C11orf52: variants seen among roughly 807,000 people sequenced by gnomAD.
C11orf52 encodes the protein chromosome 11 open reading frame 52.
A neutral mutation model predicts 11.7 loss-of-function variants in C11orf52; 9 were observed. The ratio of observed to expected loss-of-function variants is 0.77; its 90% CI spans 0.46 to 1.34. The LOEUF (loss-of-function observed/expected upper bound fraction) is 1.34. Among genes scored for constraint, C11orf52 ranks in the 40% most tolerant of loss-of-function variants. The pLI is 0.00. For missense variants in C11orf52, 139 were observed against 154.8 expected (o/e 0.90, Z 0.54); for synonymous variants, 49 against 57.4 (o/e 0.85, Z 0.66).
In C11orf52 at chr11:111,920,788, G is replaced by T. The variant is rs1965684246; in HGVS notation, c.32+1784G>T. ...CAAAAATGAAAATAAAAATAAAAGG[G>T]CAGAAGTAGGAAAAAGAAGAATATC... On this transcript the variant is annotated intron_variant, in intron 1 of 3. Transcript: ENST00000278601. Among the ~76,000 whole-genome samples the T allele has an allele frequency of 2.0e-5, 3 of 151,960 alleles. 1 individual carries two copies. The highest frequency in any genetic ancestry group is 1.3e-4 in the Admixed American group (2 of 15,250).
chr11:111,921,546 T>C (rs964278776), intron 1 of C11orf52, among the ~76,000 whole-genome samples: 1 of 152,316 alleles, frequency 6.6e-6, no homozygotes, highest in African/African-American at 2.4e-5. Flanking sequence ...AATGTCAGGA[T>C]TGAAAAAATA....
In C11orf52 at chr11:111,926,245, G is replaced by C. The variant is rs11214045; in HGVS notation, c.*46G>C. Reference sequence around the variant, plus strand: ...GTCCATCGTTAACCACTACACCTGTGGGGGAGAACCTACTGCTTTGGGGAA... The same window carrying C: ...GTCCATCGTTAACCACTACACCTGTCGGGGAGAACCTACTGCTTTGGGGAA... On this transcript the variant is annotated 3_prime_UTR_variant, in exon 4 of 4. Coordinates refer to ENST00000278601, the MANE Select transcript of C11orf52 (RefSeq NM_080659.3). 6 of 1,602,390 alleles carry C rather than the reference G, an allele frequency of 3.7e-6. No homozygotes were observed. Among genetic ancestry groups the C allele is most frequent in the East Asian group, 2.2e-5 (1 of 44,638 alleles).
At chr11:111,925,882 A>C (rs1288110515) in intron 3 of C11orf52, 78 bp from the exon 4 acceptor site, 7 of 1,599,446 alleles carry the variant, frequency 4.4e-6, no homozygotes, top group Non-Finnish European at 6.0e-6. Flanking sequence ...AAGGGACATC[A>C]GTTGACCTGC....
chr11:111,924,686 A>G (rs587634159), intron 2 of C11orf52, among the ~76,000 whole-genome samples: 1 of 152,246 alleles, frequency 6.6e-6, no homozygotes, highest in African/African-American at 2.4e-5. Flanking sequence ...ACATGATCTC[A>G]GCCCTGGAAG....
chr11:111,921,662 C>T (rs1367149681), intron 1 of C11orf52, among the ~76,000 whole-genome samples: 2 of 152,058 alleles, frequency 1.3e-5, no homozygotes, highest in Non-Finnish European at 2.9e-5. Flanking sequence ...CTCTTTCTTC[C>T]CAAGTGTTGG....
chr11:111,924,400 C>T, intron 2 of C11orf52, 37 bp downstream of exon 2: 1 of 1,564,976 alleles, frequency 6.4e-7, no homozygotes, highest in South Asian at 1.1e-5. Context: ...CTGGGGGAGG[C>T]AAATTAGAGA....
chr11:111,924,120 C>T, intron 1 of C11orf52: 1 of 515,060 alleles, frequency 1.9e-6, no homozygotes, highest in Non-Finnish European at 3.5e-6. Flanking sequence ...AGTTGTACTA[C>T]TCCACCTTCC....
intron 1 of C11orf52, among the ~76,000 whole-genome samples, chr11:111,920,159 C>T (rs1555166400): frequency 6.6e-6 from 1 of 151,974 alleles, no homozygotes; most frequent in East Asian, 1.9e-4. Context: ...TGCACCACTG[C>T]ACTCCACCCT....
rs782230423 is a variant in C11orf52 at position 111,918,934 on chromosome 11, T to C, written c.-39T>C. ...ACCCGGAAATGCACAAGCCTCTTGA[T>C]GCATAAAAACAGCTGGGCTCCCTTG... is the stretch of plus-strand genomic sequence containing the variant. On this transcript the variant is annotated 5_prime_UTR_variant, in exon 1 of 4. It removes an upstream start codon present in the reference 5' UTR. Transcript: ENST00000278601. 2.5e-6 allele frequency: 4 copies of C among 1,613,746 alleles called. No individual in the cohort carries two copies. In the South Asian group the frequency reaches 3.3e-5, roughly 13 times the overall value.
chr11:111,920,215 T>C (rs1555166416), intron 1 of C11orf52, among the ~76,000 whole-genome samples: 2 of 150,668 alleles, frequency 1.3e-5, no homozygotes, highest in Non-Finnish European at 3.0e-5. Flanking sequence ...TAAAATAAAA[T>C]AGAATAAAAT....
intron 2 of C11orf52, among the ~76,000 whole-genome samples, chr11:111,924,880 TG>T (rs1555166796): frequency 6.6e-6 from 1 of 152,196 alleles, no homozygotes; most frequent in Non-Finnish European, 1.5e-5. Context: ...CCCAGCACTT[TG>T]GGAGGCCAAG....
Position 111,926,125 on chromosome 11 carries a change from G to A in C11orf52, c.298G>A (p.Ala100Thr), listed in dbSNP as rs781864087. The A allele has an allele frequency of 5.6e-6, 9 of 1,614,222 alleles. No individual in the cohort carries two copies. The Admixed American group carries it at 1.0e-4, about 18-fold the overall frequency. ...REVKHVHLEN[A>T]TEYATLRFPQ... ...AGTGAAACACGTGCATTTAGAAAAC[G>A]CTACAGAGTATGCGACCCTTCGCTT... The change falls in exon 4 of 4, where the codon GCT becomes ACT. Residue 100 changes from alanine (A) to threonine (T), a missense_variant. Physicochemically the swap from Ala to Thr is moderately conservative, Grantham distance 58 (BLOSUM62 0). Transcript: ENST00000278601.
rs782124843 is a variant in C11orf52 at position 111,925,824 on chromosome 11, GCTCTGTCTGTCCTC to G, written c.133-122_133-109del. On this transcript the variant is annotated intron_variant, in intron 3 of 3. Coordinates refer to ENST00000278601, the MANE Select transcript of C11orf52 (RefSeq NM_080659.3). ...TTTCAGTCACCTGTAGAATTTGCTG[GCTCTGTCTGTCCTC>G]CTCTGTCTGTCCTTTGCTCAAAGGA... is the stretch of plus-strand genomic sequence containing the variant. The G allele has an allele frequency of 1.4e-4, 226 of 1,563,688 alleles. 1 individual carries two copies. The highest frequency in any genetic ancestry group is 3.4e-4 in the Middle Eastern group (2 of 5,966).
Position 111,926,360 on chromosome 11 carries a change from G to A in C11orf52, c.*161G>A. On this transcript the variant is annotated 3_prime_UTR_variant, in exon 4 of 4. Coordinates refer to ENST00000278601, the MANE Select transcript of C11orf52 (RefSeq NM_080659.3). ...TGTGGGCGTCCCATTTTCTCCCCTGGCCTCTTACTTGCCACTGTTAGGTTG... is the reference window on the plus strand; with the variant it reads ...TGTGGGCGTCCCATTTTCTCCCCTGACCTCTTACTTGCCACTGTTAGGTTG... 9.2e-7 allele frequency: 1 copy of A among 1,087,404 alleles called. No individual in the cohort carries two copies. Among genetic ancestry groups the A allele is most frequent in the Non-Finnish European group, 1.3e-6 (1 of 771,986 alleles). The allele number at this position is 1,087,404 out of a possible 1,614,324, so 67.4% of individuals were successfully genotyped here.
At chr11:111,924,393 G>C in intron 2 of C11orf52, 30 bp downstream of exon 2, 1 of 1,594,010 alleles carries the variant, frequency 6.3e-7, no homozygotes, top group South Asian at 1.1e-5. Context: ...AGGGAATCTG[G>C]GGGAGGCAAA....
chr11:111,925,856 T>C lies in C11orf52; in HGVS notation c.133-104T>C, dbSNP rs1965793505. The C allele has an allele frequency of 1.0e-5, 16 of 1,580,030 alleles. No individual in the cohort carries two copies. The South Asian group carries it at 1.8e-4, about 18-fold the overall frequency. On this transcript the variant is annotated intron_variant, in intron 3 of 3. Coordinates refer to ENST00000278601, the MANE Select transcript of C11orf52 (RefSeq NM_080659.3). ...CTGTCCTCCTCTGTCTGTCCTTTGCTCAAAGGAGCAAAGCGAAGGGACATC... is the reference window on the plus strand; with the variant it reads ...CTGTCCTCCTCTGTCTGTCCTTTGCCCAAAGGAGCAAAGCGAAGGGACATC...
chr11:111,923,807 G>T (rs1465812102), intron 1 of C11orf52: 1 of 152,252 alleles, frequency 6.6e-6, no homozygotes, highest in Admixed American at 6.5e-5. Flanking sequence ...AAGGAAGCAG[G>T]GAGGGAGGTC....
intron 1 of C11orf52, among the ~76,000 whole-genome samples, chr11:111,921,837 C>CT (rs1555166590): frequency 2.9e-4 from 39 of 135,452 alleles, no homozygotes; most frequent in African/African-American, 7.4e-4. Context: ...TTATCATACT[C>CT]ATTTTTTTTT....
rs943012188 is a variant in C11orf52, at chr11:111,926,184, C to T, written c.357C>T (p.Asn119=). The change falls in exon 4 of 4, where the codon AAC becomes AAT. Residue 119 remains asparagine (N), a synonymous_variant. Transcript: ENST00000278601. ...PQATPRYDSK[N]GTLV The stretch of plus-strand genomic sequence containing the variant: ...CCACACCTCGCTATGACAGCAAGAA[C>T]GGGACCCTGGTGTGAGCGCTTGGGA... 1.2e-5 allele frequency: 19 copies of T among 1,614,004 alleles called. No individual in the cohort carries two copies. The highest frequency in any genetic ancestry group is 3.3e-5 in the Admixed American group (2 of 60,012).
Sources: gnomAD v4.1 joint callset for allele counts (sites outside exome capture counted in the v4.1 genomes callset) on GRCh38, gnomAD v4.1.1 for gene constraint, MANE v1.5 for transcripts, NCBI Gene and HGNC (gene_info 2026-07-23, HGNC 2026-07-21) for gene names.